MYBPC2: variants seen among roughly 807,000 people sequenced by gnomAD.
The protein encoded by MYBPC2 is myosin binding protein C2.
MYBPC2 carries 122 observed loss-of-function variants against 137.0 expected under a neutral mutation model. The ratio of observed to expected loss-of-function variants is 0.89; its 90% CI spans 0.77 to 1.03. MYBPC2 has a LOEUF of 1.03. MYBPC2 is among the 50% of genes least tolerant of loss of function. The pLI is 0.00. For missense variants in MYBPC2, 1,500 were observed against 1,534.4 expected (o/e 0.98, Z 0.37); for synonymous variants, 626 against 612.3 (o/e 1.02, Z -0.33).
intron 25 of MYBPC2, 32 bp from the exon 26 acceptor site, chr19:50,461,868 A>T (rs2122620047): frequency 6.3e-7 from 1 of 1,586,308 alleles, no homozygotes; most frequent in Admixed American, 1.8e-5. Flanking sequence ...AATCTAGATC[A>T]GTCGCCTTAC....
In MYBPC2 at chr19:50,459,223, C is replaced by A; in HGVS notation, c.2708C>A (p.Ala903Asp). 1 of 1,611,230 alleles carries A rather than the reference C, an allele frequency of 6.2e-7. No homozygotes were observed. Among genetic ancestry groups the A allele is most frequent in the African/African-American group, 1.3e-5 (1 of 74,898 alleles). The change falls in exon 23 of 28, where the codon GCC becomes GAC. Residue 903 changes from alanine (A) to aspartate (D), a missense_variant. By Grantham distance (126) the Ala-to-Asp change is moderately radical (BLOSUM62 -2). Coordinates refer to ENST00000357701, the MANE Select transcript of MYBPC2 (RefSeq NM_004533.4). ...FDTVFFVRQA[A>D]RSDSGEYELS... Reference sequence around the variant, plus strand: ...ACCGTGTTCTTCGTGCGCCAGGCGGCCCGCTCCGACTCCGGGGAGTACGAG... The same window carrying A: ...ACCGTGTTCTTCGTGCGCCAGGCGGACCGCTCCGACTCCGGGGAGTACGAG...
At chr19:50,448,428 G>T (rs751947890) in intron 13 of MYBPC2, 38 bp downstream of exon 13, 1 of 1,600,820 alleles carries the variant, frequency 6.2e-7, no homozygotes, top group Non-Finnish European at 8.5e-7. Context: ...GGGGTAGGGT[G>T]TGCATAGCAG....
intron 26 of MYBPC2, 32 bp from the exon 27 acceptor site, chr19:50,464,314 A>C: frequency 6.4e-7 from 1 of 1,568,816 alleles, no homozygotes; most frequent in Non-Finnish European, 8.6e-7. Context: ...GTCTCTCTCT[A>C]AGTTGGCCTC....
intron 20 of MYBPC2, among the ~76,000 whole-genome samples, chr19:50,456,726 G>A (rs112668062): frequency 0.017 from 2,626 of 152,086 alleles, 91 homozygotes; most frequent in African/African-American, 0.06. Context: ...ATGAGCCATC[G>A]CACCCGGCCC....
At chr19:50,464,597 T>C in intron 27 of MYBPC2, 65 bp downstream of exon 27, 1 of 1,500,314 alleles carries the variant, frequency 6.7e-7, no homozygotes, top group Non-Finnish European at 8.9e-7. Context: ...GCCTGGCCGG[T>C]GGCCCCGGGC....
chr19:50,438,343 TGGGAA>T lies in MYBPC2; in HGVS notation c.572+628_572+632del, dbSNP rs1188140303. 2.0e-5 allele frequency among the ~76,000 whole-genome samples: 3 copies of T among 151,678 alleles called. No individual in the cohort carries two copies. The East Asian group carries it at 5.8e-4, about 29-fold the overall frequency. ...GGAGATGCAGGTGCAGATAGACAGG[TGGGAA>T]GGTGGGTGGATGGTACGGATGAATG... On this transcript the variant is annotated intron_variant, in intron 7 of 27. Coordinates refer to ENST00000357701, the MANE Select transcript of MYBPC2 (RefSeq NM_004533.4).
In MYBPC2 at chr19:50,435,268, C is replaced by T. The variant is rs1315539999; in HGVS notation, c.109+18C>T. ...CCCCAAAGGTGAGGAGGTGCTCCCT[C>T]GGGCTCAACCGACCTGGCTTCTCAT... On this transcript the variant is annotated intron_variant, in intron 2 of 27. Transcript: ENST00000357701. The surrounding 1 kb of genome is among the most constrained non-coding windows in gnomAD (Gnocchi z 4.8). 13 of 943,044 alleles carry T rather than the reference C, an allele frequency of 1.4e-5. No homozygotes were observed. The highest frequency in any genetic ancestry group is 4.1e-5 in the South Asian group (3 of 72,464). The allele number at this position is 943,044 out of a possible 1,614,324, so 58.4% of individuals were successfully genotyped here.
rs866917128 is a variant in MYBPC2, at chr19:50,435,653, C to G, written c.110-123C>G. The G allele has an allele frequency of 2.1e-5, 17 of 808,724 alleles. No individual in the cohort carries two copies. The highest frequency in any genetic ancestry group is 5.7e-5 in the South Asian group (3 of 52,272). 50.1% of individuals were successfully genotyped at this position (808,724 alleles called of 1,614,324 possible). A position where few individuals can be genotyped will look rare whatever the true frequency, so the allele number is the denominator to read the frequency against. ...AGGTCAGGAAAAGCCATTTAACCCCCATGATGTTTGGTTTCTGAGTAGAGG... is the reference window on the plus strand; with the variant it reads ...AGGTCAGGAAAAGCCATTTAACCCCGATGATGTTTGGTTTCTGAGTAGAGG... On this transcript the variant is annotated intron_variant, in intron 2 of 27. Coordinates refer to ENST00000357701, the MANE Select transcript of MYBPC2 (RefSeq NM_004533.4). The surrounding 1 kb of genome is among the most constrained non-coding windows in gnomAD (Gnocchi z 4.8).
Position 50,452,036 on chromosome 19 carries a change from C to T in MYBPC2, c.1749+33C>T, listed in dbSNP as rs1414911600. On this transcript the variant is annotated intron_variant, in intron 16 of 27. Transcript: ENST00000357701. ...GGGGCCGCCCCTCTGTCCTCACTCCCTTTCCGTTTAGGCAAGTCTCTTTCC... is the reference window on the plus strand; with the variant it reads ...GGGGCCGCCCCTCTGTCCTCACTCCTTTTCCGTTTAGGCAAGTCTCTTTCC... 1.4e-5 allele frequency: 21 copies of T among 1,544,944 alleles called. 1 individual carries two copies. In the South Asian group the frequency reaches 2.3e-4, roughly 17 times the overall value.
chr19:50,435,664 G>A lies in MYBPC2; in HGVS notation c.110-112G>A. 1 of 885,492 alleles carries A rather than the reference G, an allele frequency of 1.1e-6. No homozygotes were observed. The allele number at this position is 885,492 out of a possible 1,614,324, so 54.9% of individuals were successfully genotyped here. ...AGCCATTTAACCCCCATGATGTTTG[G>A]TTTCTGAGTAGAGGGGCCCTCACTG... On this transcript the variant is annotated intron_variant, in intron 2 of 27. Coordinates refer to ENST00000357701, the MANE Select transcript of MYBPC2 (RefSeq NM_004533.4). The surrounding 1 kb of genome is among the most constrained non-coding windows in gnomAD (Gnocchi z 4.8).
chr19:50,455,612 A>T lies in MYBPC2; in HGVS notation c.2306A>T (p.Asp769Val), dbSNP rs2039902747. ...PPNRIGAGGIDGYLVEYCLEG... is the reference protein window; with the variant it reads ...PPNRIGAGGIVGYLVEYCLEG... ...AACAGGATCGGGGCAGGTGGCATCGATGGGTACCTGGTGGAGTACTGCCTG... is the reference window on the plus strand; with the variant it reads ...AACAGGATCGGGGCAGGTGGCATCGTTGGGTACCTGGTGGAGTACTGCCTG... Residue 769 changes from aspartate (D) to valine (V), a missense_variant, in exon 20 of 28, where the codon GAT becomes GTT. Coordinates refer to ENST00000357701, the MANE Select transcript of MYBPC2 (RefSeq NM_004533.4). 3.1e-6 allele frequency: 5 copies of T among 1,613,948 alleles called. No individual in the cohort carries two copies. The highest frequency in any genetic ancestry group is 4.2e-6 in the Non-Finnish European group (5 of 1,179,886).
At chr19:50,436,214 A>G (rs2039702514) in intron 4 of MYBPC2, 54 bp downstream of exon 4, 2 of 1,540,816 alleles carry the variant, frequency 1.3e-6, no homozygotes, top group Non-Finnish European at 1.8e-6. Flanking sequence ...CTTGTGCAGG[A>G]CATGCTCCTC....
intron 26 of MYBPC2, among the ~76,000 whole-genome samples, chr19:50,462,596 C>CT (rs1252577287): frequency 2.0e-5 from 3 of 150,810 alleles, no homozygotes; most frequent in African/African-American, 4.9e-5. Context: ...TTCTTTCTTT[C>CT]TTTTTTTTTC....
chr19:50,454,432 T>G (rs978940195), intron 18 of MYBPC2, 63 bp downstream of exon 18: 45 of 1,382,408 alleles, frequency 3.3e-5, no homozygotes, highest in Middle Eastern at 2.0e-4. Context: ...TTTTTTTTTT[T>G]TTTTTTTTTT....
At chr19:50,448,470 A>C in intron 13 of MYBPC2, 80 bp downstream of exon 13, 2 of 1,509,190 alleles carry the variant, frequency 1.3e-6, no homozygotes, top group South Asian at 2.6e-5. Flanking sequence ...GCTGTCCCCC[A>C]TTTATTTTTT....
Position 50,455,694 on chromosome 19 carries a change from T to A in MYBPC2, c.2338+50T>A, listed in dbSNP as rs558723491. 3.1e-6 allele frequency: 5 copies of A among 1,601,564 alleles called. No homozygotes were observed. The South Asian group carries it at 4.5e-5, about 14-fold the overall frequency. On this transcript the variant is annotated intron_variant, in intron 20 of 27. Coordinates refer to ENST00000357701, the MANE Select transcript of MYBPC2 (RefSeq NM_004533.4). ...GGGGGTGGTGGCTAGCACAGGTGGGTATCCAGTCCAGGGAGCTGAAAATAG... is the reference window on the plus strand; with the variant it reads ...GGGGGTGGTGGCTAGCACAGGTGGGAATCCAGTCCAGGGAGCTGAAAATAG...
chr19:50,463,084 C>A (rs964387403), intron 26 of MYBPC2, among the ~76,000 whole-genome samples: 4 of 152,194 alleles, frequency 2.6e-5, no homozygotes, highest in Non-Finnish European at 5.9e-5. Flanking sequence ...CTCATTTAGA[C>A]CAGGGGTTGG....
At position 50,461,645 on chromosome 19, in the gene MYBPC2, G is replaced by C; in HGVS notation, c.3035G>C (p.Cys1012Ser). 6 of 1,613,544 alleles carry C rather than the reference G, an allele frequency of 3.7e-6. No individual in the cohort carries two copies. The highest frequency in any genetic ancestry group is 5.1e-6 in the Non-Finnish European group (6 of 1,179,850). ...YYFRVYTENI[C>S]GLSDSPGVSK... ...TTCCGAGTTTACACCGAGAACATCTGTGGGCTCAGTGACTCACCTGGTGTC... is the reference window on the plus strand; with the variant it reads ...TTCCGAGTTTACACCGAGAACATCTCTGGGCTCAGTGACTCACCTGGTGTC... The change falls in exon 25 of 28, where the codon TGT becomes TCT. Residue 1012 changes from cysteine (C) to serine (S), a missense_variant. Physicochemically the swap from Cys to Ser is moderately radical, Grantham distance 112 (BLOSUM62 -1). Coordinates refer to ENST00000357701, the MANE Select transcript of MYBPC2 (RefSeq NM_004533.4).
chr19:50,451,382 C>T (rs998477154), intron 15 of MYBPC2, 73 bp downstream of exon 15: 36 of 1,342,128 alleles, frequency 2.7e-5, no homozygotes, highest in East Asian at 3.7e-5. Flanking sequence ...GGGGAATGGC[C>T]GAGGGAGGAT....
Sources: allele counts gnomAD v4.1 joint callset (sites outside exome capture counted in the v4.1 genomes callset), GRCh38; gene constraint gnomAD v4.1.1; non-coding constraint Gnocchi (gnomAD v3.1); transcripts MANE v1.5; gene names NCBI Gene and HGNC (gene_info 2026-07-23, HGNC 2026-07-21).